ARHGAP28: variants seen among roughly 807,000 people sequenced by gnomAD.
ARHGAP28 encodes the protein Rho GTPase activating protein 28, also known as rho GTPase-activating protein 28.
Under a neutral mutation model 90.7 loss-of-function variants are expected in ARHGAP28, and 56 were observed. The ratio of observed to expected loss-of-function variants is 0.62; its 90% CI spans 0.50 to 0.77. The LOEUF (loss-of-function observed/expected upper bound fraction) is 0.77, where lower values mean the gene tolerates loss of function less well. Among genes scored for constraint, ARHGAP28 ranks in the 30% least tolerant of loss-of-function variants. ARHGAP28 has a pLI of 0.00. For missense variants in ARHGAP28, 869 were observed against 900.9 expected (o/e 0.96, Z 0.45); for synonymous variants, 308 against 323.3 (o/e 0.95, Z 0.51).
At chr18:6,859,443 C>T (rs1471277457) in intron 4 of ARHGAP28, among the ~76,000 whole-genome samples, 3 of 152,196 alleles carry the variant, frequency 2.0e-5, no homozygotes, top group African/African-American at 7.2e-5. Context: ...TTAATAAATA[C>T]ACTTGGTAAA....
In ARHGAP28 at chr18:6,868,156, C is replaced by G. The variant is rs145548435; in HGVS notation, c.733C>G (p.Leu245Val). Residue 245 changes from leucine to valine, a missense_variant, in exon 6 of 18, where the codon CTT (leucine) becomes GTT (valine). Leu to Val is a conservative substitution (Grantham distance 32). Coordinates refer to ENST00000383472, the MANE Select transcript of ARHGAP28 (RefSeq NM_001366230.1). ...ATCTTCCTTTGCTTGGCAGGCTATA[C>G]TTGAGACCATTCCAGTTCTACCAGT... ...AVPRSDSVAI[L>V]ETIPVLPVHS... is the part of the protein sequence containing the mutation. 1,180 of 1,613,926 alleles carry G rather than the reference C, an allele frequency of 7.3e-4. 7 individuals are homozygous for G. Among genetic ancestry groups the G allele is most frequent in the Non-Finnish European group, 4.2e-4 (495 of 1,179,828 alleles).
At chr18:6,859,559 T>A (rs2056981508) in intron 4 of ARHGAP28, among the ~76,000 whole-genome samples, 1 of 152,194 alleles carries the variant, frequency 6.6e-6, no homozygotes, top group South Asian at 2.1e-4. Context: ...ACCAAGATAC[T>A]GTTAAGGCAA....
chr18:6,854,260 A>G (rs1201754117), intron 4 of ARHGAP28, among the ~76,000 whole-genome samples: 1 of 151,576 alleles, frequency 6.6e-6, no homozygotes, highest in South Asian at 2.1e-4. Context: ...TTCTTATTTT[A>G]GTTGCCTGGA....
intron 5 of ARHGAP28, among the ~76,000 whole-genome samples, chr18:6,867,614 A>C (rs2057047532): frequency 6.6e-6 from 1 of 152,274 alleles, no homozygotes; most frequent in South Asian, 2.1e-4. Context: ...AAATTAATTA[A>C]GAGGGGAAAT....
chr18:6,804,304 G>A (rs1242128958), intron 1 of ARHGAP28, among the ~76,000 whole-genome samples: 1 of 152,022 alleles, frequency 6.6e-6, no homozygotes. Flanking sequence ...TCTCATTGCT[G>A]GTATTACCAA....
chr18:6,839,500 T>G (rs1327794248), intron 3 of ARHGAP28, among the ~76,000 whole-genome samples: 1 of 152,140 alleles, frequency 6.6e-6, no homozygotes, highest in African/African-American at 2.4e-5. Flanking sequence ...GGTTTCACCC[T>G]GTTAGCCAGG....
chr18:6,899,612 C>A (rs2057327722), intron 16 of ARHGAP28, among the ~76,000 whole-genome samples: 1 of 152,182 alleles, frequency 6.6e-6, no homozygotes, highest in African/African-American at 2.4e-5. Flanking sequence ...CACCTGCCAC[C>A]TAACACAACC....
rs1162132274 is a variant in ARHGAP28 at position 6,882,019 on chromosome 18, G to A, written c.1291-118G>A. On this transcript the variant is annotated intron_variant, in intron 10 of 17. Transcript: ENST00000383472. ...TGTTGAAAAAAAATTACTCTTGGTA[G>A]ACATTACCTTACCAGTCTGTTTACA... 1.0e-5 allele frequency: 9 copies of A among 883,762 alleles called. 1 individual carries two copies. In the South Asian group the frequency reaches 2.1e-4, roughly 21 times the overall value. 54.7% of individuals were successfully genotyped at this position (883,762 alleles called of 1,614,324 possible). A position where few individuals can be genotyped will look rare whatever the true frequency, so the allele number is the denominator to read the frequency against.
chr18:6,826,335 G>A (rs543774003), intron 2 of ARHGAP28, among the ~76,000 whole-genome samples: 3 of 151,648 alleles, frequency 2.0e-5, no homozygotes, highest in Non-Finnish European at 2.9e-5. Context: ...TTTGCTTTTC[G>A]CTTGTTGATT....
intron 12 of ARHGAP28, 133 bp downstream of exon 12, chr18:6,887,372 G>A: frequency 2.8e-6 from 2 of 713,138 alleles, no homozygotes; most frequent in South Asian, 1.6e-5. Flanking sequence ...CGGCCTTTCT[G>A]TGCTCCCACT....
chr18:6,774,867 A>T (rs1468239630), intron 1 of ARHGAP28, among the ~76,000 whole-genome samples: 1 of 151,966 alleles, frequency 6.6e-6, no homozygotes, highest in East Asian at 1.9e-4. Flanking sequence ...TTGCTGGGGG[A>T]TTTGTGTGAC....
chr18:6,730,028 C>G, intron 1 of ARHGAP28, 85 bp downstream of exon 1: 1 of 1,230,306 alleles, frequency 8.1e-7, no homozygotes. Flanking sequence ...TGCCTGAGCG[C>G]ACGACCGCCG....
At chr18:6,773,335 G>T (rs1377786203) in intron 1 of ARHGAP28, among the ~76,000 whole-genome samples, 2 of 152,138 alleles carry the variant, frequency 1.3e-5, no homozygotes, top group Non-Finnish European at 2.9e-5. Context: ...GAGAAGAGAA[G>T]AAATAAATTA....
intron 1 of ARHGAP28, among the ~76,000 whole-genome samples, chr18:6,740,332 C>A (rs73380731): frequency 0.036 from 5,540 of 152,258 alleles, 343 homozygotes; most frequent in African/African-American, 0.13. Flanking sequence ...TGTTCTAAAT[C>A]GTGCTCAAAA....
chr18:6,835,940 G>C (rs966540920), intron 2 of ARHGAP28, among the ~76,000 whole-genome samples: 2 of 152,018 alleles, frequency 1.3e-5, no homozygotes, highest in African/African-American at 4.8e-5. Flanking sequence ...ATTTGGTCTT[G>C]AGGTCTCTCT....
In ARHGAP28 at chr18:6,849,525, C is replaced by A. The variant is rs182921460; in HGVS notation, c.544-1509C>A. Among the ~76,000 whole-genome samples, 413 of 152,264 alleles carry A rather than the reference C, an allele frequency of 2.7e-3. 3 individuals carry two copies. The highest frequency in any genetic ancestry group is 9.7e-3 in the African/African-American group (402 of 41,554). The stretch of plus-strand genomic sequence containing the variant: ...TGTTACATCTTCTTAGCAGATTGTG[C>A]CTTTTACTCTTTGAGCAAATCTGGC... On this transcript the variant is annotated intron_variant, in intron 3 of 17. Coordinates refer to ENST00000383472, the MANE Select transcript of ARHGAP28 (RefSeq NM_001366230.1).
chr18:6,789,236 G>A (rs1247884467), intron 1 of ARHGAP28: 1 of 152,136 alleles, frequency 6.6e-6, no homozygotes, highest in African/African-American at 2.4e-5. Context: ...CCTTTGCATG[G>A]TAGGGAGCTA....
intron 3 of ARHGAP28, among the ~76,000 whole-genome samples, chr18:6,840,246 C>T (rs779681831): frequency 2.0e-5 from 3 of 152,158 alleles, no homozygotes; most frequent in Non-Finnish European, 4.4e-5. Flanking sequence ...TTGAGAGGGT[C>T]CTAAAATCTT....
At chr18:6,746,984 T>C (rs1278558378) in intron 1 of ARHGAP28, among the ~76,000 whole-genome samples, 1 of 152,162 alleles carries the variant, frequency 6.6e-6, no homozygotes, top group Non-Finnish European at 1.5e-5. Context: ...ATTATATATG[T>C]ATGATGAATG....
Sources: gnomAD v4.1 joint callset for allele counts (sites outside exome capture counted in the v4.1 genomes callset) on GRCh38, gnomAD v4.1.1 for gene constraint, MANE v1.5 for transcripts, NCBI Gene and HGNC (gene_info 2026-07-23, HGNC 2026-07-21) for gene names.